Variants in VDAC1 observed in about 807,000 individuals in gnomAD.
VDAC1 encodes the protein non-selective voltage-gated ion channel VDAC1.
A neutral mutation model predicts 34.7 loss-of-function variants in VDAC1; 10 were observed. That is an observed-to-expected ratio of 0.29 (90% confidence interval 0.18 to 0.49). The LOEUF is 0.49. Among genes scored for constraint, VDAC1 ranks in the 20% least tolerant of loss-of-function variants. The pLI is 0.99. For synonymous variants in VDAC1, 130 were observed against 136.0 expected (o/e 0.96, Z 0.30); for missense variants, 230 against 347.9 (o/e 0.66, Z 2.69).
chr5:134,003,874 C>T (rs1388479411), intron 1 of VDAC1, among the ~76,000 whole-genome samples: 2 of 152,228 alleles, frequency 1.3e-5, no homozygotes, highest in African/African-American at 4.8e-5. Context: ...GGCCTCTAAT[C>T]CAAAGTCAGG....
At chr5:134,033,141 G>C in the VDAC1 span, among the ~76,000 whole-genome samples, 1 of 149,332 alleles carries the variant, frequency 6.7e-6, no homozygotes, top group South Asian at 2.2e-4. Context: ...GGAAATCTAG[G>C]AAGTAGAAAC....
chr5:133,993,717 AAACC>A lies in VDAC1; in HGVS notation c.-6-703_-6-700del, dbSNP rs146380475. Among the ~76,000 whole-genome samples, 1,102 of 152,330 alleles carry A rather than the reference AAACC, an allele frequency of 7.2e-3. 39 individuals are homozygous for A. In the East Asian group the frequency reaches 0.12, roughly 17 times the overall value. The stretch of plus-strand genomic sequence containing the variant: ...GAGCTCCAGTGTAACTTTATTTTTA[AAACC>A]AACCATCAAAGGACTACTTGGGATT... On this transcript the variant is annotated intron_variant, in intron 1 of 8. Transcript: ENST00000265333.
chr5:134,054,148 G>A, the VDAC1 span, among the ~76,000 whole-genome samples: 12 of 152,126 alleles, frequency 7.9e-5, no homozygotes, highest in Non-Finnish European at 1.8e-4. Flanking sequence ...TAATTAAGTC[G>A]GTTCTAAATG....
upstream of VDAC1, among the ~76,000 whole-genome samples, chr5:134,008,655 T>G (rs1269414437): frequency 1.3e-5 from 2 of 152,228 alleles, no homozygotes; most frequent in East Asian, 3.8e-4. Context: ...TCTTCTCTTT[T>G]CAGAGCCAGA....
the VDAC1 span, among the ~76,000 whole-genome samples, chr5:134,076,809 T>C: frequency 6.6e-6 from 1 of 152,196 alleles, no homozygotes; most frequent in Non-Finnish European, 1.5e-5. Context: ...GACAACCATC[T>C]GGCTCTCTGG....
At chr5:134,105,459 C>A in the VDAC1 span, among the ~76,000 whole-genome samples, 1 of 152,224 alleles carries the variant, frequency 6.6e-6, no homozygotes, top group Non-Finnish European at 1.5e-5. Context: ...GTTAAAAGAC[C>A]TACCTCTCTG....
At chr5:134,073,480 G>A in the VDAC1 span, among the ~76,000 whole-genome samples, 7 of 152,212 alleles carry the variant, frequency 4.6e-5, no homozygotes, top group Non-Finnish European at 8.8e-5. Flanking sequence ...GCTGTGGGTT[G>A]AGGAAGACAT....
the VDAC1 span, among the ~76,000 whole-genome samples, chr5:134,091,751 G>C: frequency 6.6e-6 from 1 of 152,234 alleles, no homozygotes; most frequent in Non-Finnish European, 1.5e-5. Context: ...CGTGGGTCCT[G>C]ACAACAGAAC....
At chr5:133,989,709 G>A (rs1481349791) in intron 5 of VDAC1, among the ~76,000 whole-genome samples, 2 of 148,096 alleles carry the variant, frequency 1.4e-5, no homozygotes, top group East Asian at 4.1e-4. Context: ...CTTGCCCAGG[G>A]TGCAGTGCAA....
At chr5:134,101,886 C>T in the VDAC1 span, among the ~76,000 whole-genome samples, 1 of 152,196 alleles carries the variant, frequency 6.6e-6, no homozygotes, top group Non-Finnish European at 1.5e-5. Flanking sequence ...CCCATTAGGC[C>T]CCGTGTTAGA....
chr5:134,010,844 G>A, the VDAC1 span, among the ~76,000 whole-genome samples: 1 of 151,926 alleles, frequency 6.6e-6, no homozygotes, highest in African/African-American at 2.4e-5. Flanking sequence ...ACAAAAAGCT[G>A]TACATATTTA....
chr5:134,026,233 T>C, the VDAC1 span, among the ~76,000 whole-genome samples: 4 of 151,720 alleles, frequency 2.6e-5, no homozygotes, highest in Non-Finnish European at 5.9e-5. Context: ...AATGGCTGGG[T>C]GTGGTGGCTC....
At chr5:133,991,351 G>A (rs907557541) in intron 3 of VDAC1, among the ~76,000 whole-genome samples, 197 bp from the exon 4 acceptor site, 1 of 152,158 alleles carries the variant, frequency 6.6e-6, no homozygotes, top group African/African-American at 2.4e-5. Context: ...AAATCTTATG[G>A]GGAATTTGTT....
chr5:134,111,363 G>T, the VDAC1 span, among the ~76,000 whole-genome samples: 111 of 152,176 alleles, frequency 7.3e-4, no homozygotes, highest in Non-Finnish European at 1.4e-3. Flanking sequence ...GATGAATCCA[G>T]AAGACTCTGG....
At chr5:133,983,648 G>C (rs1752786920) in intron 5 of VDAC1, among the ~76,000 whole-genome samples, 1 of 152,124 alleles carries the variant, frequency 6.6e-6, no homozygotes, top group African/African-American at 2.4e-5. Flanking sequence ...AAGTGATGTA[G>C]GAAAATAGCC....
At chr5:133,976,555 C>T (rs1700448360) in intron 6 of VDAC1, among the ~76,000 whole-genome samples, 1 of 151,728 alleles carries the variant, frequency 6.6e-6, no homozygotes, top group Non-Finnish European at 1.5e-5. Flanking sequence ...TGACTCACGC[C>T]TGTAATCCTA....
chr5:134,109,079 C>T, the VDAC1 span, among the ~76,000 whole-genome samples: 11 of 152,124 alleles, frequency 7.2e-5, no homozygotes, highest in African/African-American at 2.4e-4. Context: ...ACGGCAGGTA[C>T]GGGGCCTGCT....
At chr5:134,092,861 C>T in the VDAC1 span, among the ~76,000 whole-genome samples, 1 of 152,124 alleles carries the variant, frequency 6.6e-6, no homozygotes, top group East Asian at 1.9e-4. Flanking sequence ...TAGATTTGCA[C>T]GCAAGTCTTC....
chr5:134,074,940 A>T, the VDAC1 span, among the ~76,000 whole-genome samples: 2 of 151,714 alleles, frequency 1.3e-5, no homozygotes, highest in Non-Finnish European at 2.9e-5. Flanking sequence ...ACTGCCCCAG[A>T]CTCCAGACCT....
Sources: allele counts gnomAD v4.1 joint callset (sites outside exome capture counted in the v4.1 genomes callset), GRCh38; gene constraint gnomAD v4.1.1; transcripts MANE v1.5; gene names NCBI Gene and HGNC (gene_info 2026-07-23, HGNC 2026-07-21).